The following PISD variants were observed in gnomAD, a reference collection of about 807,000 sequenced individuals.
PISD encodes the protein phosphatidylserine decarboxylase.
Under a neutral mutation model 43.5 loss-of-function variants are expected in PISD, and 31 were observed. That is an observed-to-expected ratio of 0.71 (90% CI 0.54 to 0.96). The LOEUF (loss-of-function observed/expected upper bound fraction) is 0.96. Ranked by LOEUF, PISD falls within the 40% of genes least tolerant of loss-of-function variation. The pLI is 0.00. For missense variants in PISD, 523 were observed against 548.4 expected (o/e 0.95, Z 0.46); for synonymous variants, 259 against 228.7 (o/e 1.13, Z -1.20).
intron 3 of PISD, chr22:31,626,025 G>C (rs2072890444): frequency 2.8e-6 from 4 of 1,434,338 alleles, no homozygotes; most frequent in Non-Finnish European, 1.8e-6. Flanking sequence ...GGCTATTGCA[G>C]ACAGACAGGC....
intron 3 of PISD, among the ~76,000 whole-genome samples, chr22:31,631,807 G>A (rs1057341672): frequency 6.6e-6 from 1 of 152,220 alleles, no homozygotes; most frequent in East Asian, 1.9e-4. Flanking sequence ...AACTGAGCAC[G>A]CCCATTCCCT....
At chr22:31,653,360 A>G (rs1420121199) in intron 1 of PISD, among the ~76,000 whole-genome samples, 2 of 152,192 alleles carry the variant, frequency 1.3e-5, no homozygotes, top group Non-Finnish European at 2.9e-5. Flanking sequence ...TGTTCTGTAC[A>G]TTGCCGCATT....
chr22:31,661,780 C>A (rs1366847956), intron 1 of PISD, among the ~76,000 whole-genome samples: 1 of 152,152 alleles, frequency 6.6e-6, no homozygotes, highest in Non-Finnish European at 1.5e-5. Context: ...ATCTAGTGTC[C>A]TTCCCACAGG....
intron 1 of PISD, among the ~76,000 whole-genome samples, chr22:31,658,851 T>C (rs2074247441): frequency 6.7e-6 from 1 of 148,658 alleles, no homozygotes; most frequent in Non-Finnish European, 1.5e-5. Flanking sequence ...TATTTTTTCT[T>C]TTTCTTTTTT....
At chr22:31,649,171 G>C (rs1265865864) in intron 2 of PISD, among the ~76,000 whole-genome samples, 10 of 152,164 alleles carry the variant, frequency 6.6e-5, no homozygotes, top group Non-Finnish European at 8.8e-5. Flanking sequence ...AGTGAGCTAT[G>C]ATCACGCCAC....
intron 3 of PISD, 21 bp from the exon 4 acceptor site, chr22:31,621,906 G>A: frequency 1.3e-6 from 2 of 1,573,882 alleles, no homozygotes; most frequent in East Asian, 2.2e-5. Context: ...CAGGGCAAGG[G>A]GCTGAGTTGA....
chr22:31,633,237 A>T (rs1481428338), intron 3 of PISD, among the ~76,000 whole-genome samples: 4 of 152,192 alleles, frequency 2.6e-5, no homozygotes, highest in Admixed American at 2.6e-4. Context: ...ACCAAGCCCC[A>T]GTTAGACCAG....
In PISD at chr22:31,633,002, G is replaced by A. The variant is rs371729113; in HGVS notation, c.322-11117C>T. Reference sequence around the variant, plus strand: ...TGAGAACTTACTGTAACTGATCCCAGCATTCTCAGAGCCCCAAAGAAACTT... The same window carrying A: ...TGAGAACTTACTGTAACTGATCCCAACATTCTCAGAGCCCCAAAGAAACTT... On this transcript the variant is annotated intron_variant, in intron 3 of 7. Transcript: ENST00000439502. Among the ~76,000 whole-genome samples the A allele has an allele frequency of 4.6e-5, 7 of 152,284 alleles. No homozygotes were observed. The South Asian group carries it at 6.2e-4, about 14-fold the overall frequency.
chr22:31,641,373 G>A (rs893767797), intron 3 of PISD, among the ~76,000 whole-genome samples: 1 of 152,098 alleles, frequency 6.6e-6, no homozygotes, highest in African/African-American at 2.4e-5. Context: ...AGAATACCAC[G>A]ACAGCTGATA....
intron 3 of PISD, chr22:31,629,069 A>T (rs16989337): frequency 0.041 from 40,343 of 985,438 alleles, 868 homozygotes; most frequent in Admixed American, 0.1. Context: ...GATCCATACC[A>T]GAGCAGTAAG....
intron 4 of PISD, 35 bp from the exon 5 acceptor site, chr22:31,621,507 G>C (rs1456221318): frequency 6.2e-7 from 1 of 1,612,864 alleles, no homozygotes; most frequent in Admixed American, 1.7e-5. Flanking sequence ...GCCAGGGAGA[G>C]CAGGGTCTCC....
intron 3 of PISD, chr22:31,629,067 C>T: frequency 1.0e-6 from 1 of 985,468 alleles, no homozygotes; most frequent in Non-Finnish European, 1.2e-6. Context: ...GGGATCCATA[C>T]CAGAGCAGTA....
chr22:31,657,382 G>A lies in PISD; in HGVS notation c.65+4762C>T, dbSNP rs191124509. On this transcript the variant is annotated intron_variant, in intron 1 of 7. Transcript: ENST00000439502. Reference sequence around the variant, plus strand: ...GAACTCCTGACCTCGTGATCCACCCGCCTCAGCCTCCCAAAGTGCTGGGAT... The same window carrying A: ...GAACTCCTGACCTCGTGATCCACCCACCTCAGCCTCCCAAAGTGCTGGGAT... Among the ~76,000 whole-genome samples the A allele has an allele frequency of 3.7e-3, 560 of 152,140 alleles. 14 individuals are homozygous for A. Among genetic ancestry groups the A allele is most frequent in the Non-Finnish European group, 1.1e-3 (78 of 67,988 alleles).
chr22:31,625,815 T>A, intron 3 of PISD: 9 of 1,600,176 alleles, frequency 5.6e-6, no homozygotes, highest in Non-Finnish European at 7.7e-6. Flanking sequence ...TGACACATCA[T>A]GGGCCGGCGC....
chr22:31,658,750 C>T (rs766688237), intron 1 of PISD, among the ~76,000 whole-genome samples: 2 of 152,028 alleles, frequency 1.3e-5, no homozygotes, highest in Non-Finnish European at 2.9e-5. Flanking sequence ...TCAGGTTGGT[C>T]TCGAACTCTT....
Position 31,621,421 on chromosome 22 carries a change from C to T in PISD, c.610G>A (p.Glu204Lys), listed in dbSNP as rs1327936647. 2.5e-6 allele frequency: 4 copies of T among 1,614,046 alleles called. No individual in the cohort carries two copies. In the African/African-American group the frequency reaches 5.3e-5, roughly 22 times the overall value. ...GTGACCCCCTTTACCTGCTCCACCT[C>T]ACAGTTCTTCACCTGCCCAAAGTTG... ...ILNFGQVKNC[E>K]VEQVKGVTYS... is the part of the protein sequence containing the mutation. The change falls in exon 5 of 8, where the codon GAG becomes AAG. Residue 204 changes from glutamate (E) to lysine (K), a missense_variant. By Grantham distance (56) the Glu-to-Lys change is moderately conservative (BLOSUM62 1). Transcript: ENST00000439502.
At chr22:31,657,063 T>G (rs1198222452) in intron 1 of PISD, among the ~76,000 whole-genome samples, 1 of 152,182 alleles carries the variant, frequency 6.6e-6, no homozygotes, top group Non-Finnish European at 1.5e-5. Flanking sequence ...ATAATCACAT[T>G]AGGTAAATGG....
chr22:31,625,994 G>A (rs2072888890), intron 3 of PISD: 2 of 1,460,994 alleles, frequency 1.4e-6, no homozygotes, highest in Admixed American at 4.9e-5. Flanking sequence ...GTGGCTCACA[G>A]GGTGCAGAAT....
At chr22:31,655,160 A>G (rs528285318) in intron 1 of PISD, among the ~76,000 whole-genome samples, 1 of 151,950 alleles carries the variant, frequency 6.6e-6, no homozygotes, top group African/African-American at 2.4e-5. Context: ...GCCAATCAGG[A>G]ACACCCAATG....
Sources: allele counts gnomAD v4.1 joint callset (sites outside exome capture counted in the v4.1 genomes callset), GRCh38; gene constraint gnomAD v4.1.1; transcripts MANE v1.5; gene names NCBI Gene and HGNC (gene_info 2026-07-23, HGNC 2026-07-21).